FRMD4A: variants seen among roughly 807,000 people sequenced by gnomAD.
FRMD4A encodes the protein FERM domain containing 4A, also known as FERM domain-containing protein 4A.
In FRMD4A, 29 loss-of-function variants were observed where a neutral mutation model predicts 129.1. That is an observed-to-expected ratio of 0.22 (90% confidence interval 0.17 to 0.31). The LOEUF is 0.31. Ranked by LOEUF, FRMD4A falls within the 10% of genes least tolerant of loss-of-function variation. The pLI, the probability that FRMD4A is intolerant of heterozygous loss-of-function variation, is 1.00. For missense variants in FRMD4A, 1,272 were observed against 1,375.8 expected (o/e 0.92, Z 1.19); for synonymous variants, 634 against 571.6 (o/e 1.11, Z -1.56).
At chr10:13,938,666 TAAC>T (rs1423804583) in intron 2 of FRMD4A, among the ~76,000 whole-genome samples, 1 of 152,226 alleles carries the variant, frequency 6.6e-6, no homozygotes, top group Non-Finnish European at 1.5e-5. Flanking sequence ...ACAGAAGGGT[TAAC>T]AGTGATCCTC....
chr10:14,210,275 G>T (rs1481627028), intron 2 of FRMD4A, among the ~76,000 whole-genome samples: 1 of 152,170 alleles, frequency 6.6e-6, no homozygotes, highest in East Asian at 1.9e-4. Flanking sequence ...ATGTGAGGAT[G>T]GAGTGACAAG....
At chr10:13,961,225 C>A (rs923349034) in intron 2 of FRMD4A, among the ~76,000 whole-genome samples, 5 of 152,184 alleles carry the variant, frequency 3.3e-5, no homozygotes, top group African/African-American at 1.2e-4. Flanking sequence ...AACCCCATAT[C>A]CTCTTTCCAT....
chr10:13,703,604 G>A (rs1004428203), intron 13 of FRMD4A, among the ~76,000 whole-genome samples: 3 of 152,166 alleles, frequency 2.0e-5, no homozygotes, highest in East Asian at 1.9e-4. Flanking sequence ...GGCTGAGCCC[G>A]GAACACCAAA....
intron 15 of FRMD4A, among the ~76,000 whole-genome samples, chr10:13,679,458 A>AAAAAAAAAAAAAAAAT (rs1554838339): frequency 4.1e-5 from 1 of 24,544 alleles, no homozygotes; most frequent in African/African-American, 1.8e-4. Context: ...AAAAAAAAAA[A>AAAAAAAAAAAAAAAAT]AAATATATAT....
At chr10:13,733,508 C>T (rs1461556622) in intron 12 of FRMD4A, among the ~76,000 whole-genome samples, 1 of 152,152 alleles carries the variant, frequency 6.6e-6, no homozygotes, top group African/African-American at 2.4e-5. Context: ...CTGCAACCTC[C>T]GCCTCCCGGG....
chr10:13,949,316 AAAG>A lies in FRMD4A; in HGVS notation c.46-90407_46-90405del, dbSNP rs1366616643. On this transcript the variant is annotated intron_variant, in intron 2 of 24. Coordinates refer to ENST00000357447, the MANE Select transcript of FRMD4A (RefSeq NM_018027.5). ...TTCTAGTGATCAAAAAAAAAAAAAA[AAAG>A]AAAGAAAGAAAGAATAGGATGGGGT... 1.2e-3 allele frequency among the ~76,000 whole-genome samples: 178 copies of A among 146,362 alleles called. 1 individual carries two copies. The highest frequency in any genetic ancestry group is 1.9e-3 in the South Asian group (9 of 4,682).
intron 14 of FRMD4A, among the ~76,000 whole-genome samples, chr10:13,700,282 T>C (rs774191669): frequency 1.5e-5 from 2 of 134,642 alleles, no homozygotes; most frequent in South Asian, 2.4e-4. Flanking sequence ...ACCTCCCCCT[T>C]GACCCCCAAT....
chr10:14,191,586 G>A (rs1017350051), intron 2 of FRMD4A, among the ~76,000 whole-genome samples: 7 of 152,176 alleles, frequency 4.6e-5, no homozygotes, highest in African/African-American at 7.2e-5. Flanking sequence ...AAGTAGTATC[G>A]GCTGTTGCTA....
At chr10:13,658,736 G>A (rs2082385837) in intron 21 of FRMD4A, among the ~76,000 whole-genome samples, 1 of 152,078 alleles carries the variant, frequency 6.6e-6, no homozygotes, top group South Asian at 2.1e-4. Context: ...ACAAAAATTA[G>A]CCAGGCGTGG....
At chr10:14,306,554 T>C (rs902692186) in intron 2 of FRMD4A, among the ~76,000 whole-genome samples, 6 of 152,206 alleles carry the variant, frequency 3.9e-5, no homozygotes, top group African/African-American at 9.6e-5. Flanking sequence ...AATTTCAATA[T>C]ATGAAAAACA....
At chr10:13,971,836 T>A in intron 2 of FRMD4A, 1 of 1,303,798 alleles carries the variant, frequency 7.7e-7, no homozygotes, top group South Asian at 1.2e-5. Context: ...CTCTGGTCCC[T>A]GGCCCCACAT....
intron 3 of FRMD4A, among the ~76,000 whole-genome samples, chr10:13,815,231 G>A (rs182999900): frequency 1.4e-4 from 22 of 152,216 alleles, no homozygotes; most frequent in East Asian, 1.3e-3. Flanking sequence ...ATATTATTTC[G>A]CCCTAAAAAG....
At chr10:13,668,070 T>C (rs542142259) in intron 17 of FRMD4A, 1 of 152,362 alleles carries the variant, frequency 6.6e-6, no homozygotes, top group Admixed American at 6.5e-5. Flanking sequence ...CAAGGAGAAG[T>C]TCTTTGCCTG....
chr10:13,926,881 A>G (rs2095139603), intron 2 of FRMD4A, among the ~76,000 whole-genome samples: 1 of 152,194 alleles, frequency 6.6e-6, no homozygotes, highest in South Asian at 2.1e-4. Context: ...TACAGATTGG[A>G]TTTCCCACCT....
Position 13,646,909 on chromosome 10 carries a change from GC to G in FRMD4A, c.*128del. ...GAGGTGATCTCAGAATGGCGTTGAGGCGGTCAGATTAGGCCGGGCTGGCTCA... is the reference window on the plus strand; with the variant it reads ...GAGGTGATCTCAGAATGGCGTTGAGGGGTCAGATTAGGCCGGGCTGGCTCA... On this transcript the variant is annotated 3_prime_UTR_variant, in exon 25 of 25. Transcript: ENST00000357447. 1.4e-6 allele frequency: 1 copy of G among 696,532 alleles called. No individual in the cohort carries two copies. The highest frequency in any genetic ancestry group is 1.8e-6 in the Non-Finnish European group (1 of 565,188). The allele number at this position is 696,532 out of a possible 1,614,324, so 43.1% of individuals were successfully genotyped here.
chr10:14,139,476 G>T (rs186851651), intron 2 of FRMD4A, among the ~76,000 whole-genome samples: 1 of 151,644 alleles, frequency 6.6e-6, no homozygotes, highest in Non-Finnish European at 1.5e-5. Context: ...TTGAGACAGG[G>T]TCTCACTCTG....
rs146217776 is a variant in FRMD4A at position 13,723,003 on chromosome 10, C to G, written c.759+14841G>C. Among the ~76,000 whole-genome samples, 912 of 151,730 alleles carry G rather than the reference C, an allele frequency of 6.0e-3. 6 individuals are homozygous for G. The highest frequency in any genetic ancestry group is 0.021 in the African/African-American group (872 of 41,318). On this transcript the variant is annotated intron_variant, in intron 12 of 24. Transcript: ENST00000357447. ...TTAGCTACATCCCTATGCTGGTTAG[C>G]TAGGTCACCATGCTGGTTAGGTAGG... is the stretch of plus-strand genomic sequence containing the variant.
intron 12 of FRMD4A, among the ~76,000 whole-genome samples, chr10:13,720,942 C>T (rs1332869852): frequency 6.6e-6 from 1 of 152,200 alleles, no homozygotes; most frequent in Admixed American, 6.5e-5. Context: ...ATGAACCCTG[C>T]AAACATTCTC....
At chr10:13,885,863 C>A (rs563334851) in intron 2 of FRMD4A, among the ~76,000 whole-genome samples, 1 of 152,210 alleles carries the variant, frequency 6.6e-6, no homozygotes, top group Non-Finnish European at 1.5e-5. Context: ...CCCCATTGTG[C>A]TCCATCAGTG....
Sources: allele counts gnomAD v4.1 joint callset (sites outside exome capture counted in the v4.1 genomes callset), GRCh38; gene constraint gnomAD v4.1.1; transcripts MANE v1.5; gene names NCBI Gene and HGNC (gene_info 2026-07-23, HGNC 2026-07-21).